KCNK18: variants seen among roughly 807,000 people sequenced by gnomAD.
KCNK18 encodes the protein potassium two pore domain channel subfamily K member 18.
In KCNK18, 8 loss-of-function variants were observed where a neutral mutation model predicts 11.8. That is an observed-to-expected ratio of 0.68 (90% CI 0.40 to 1.22). The LOEUF is 1.22. KCNK18 is among the 50% of genes most tolerant of loss of function. The pLI, the probability that KCNK18 is intolerant of heterozygous loss-of-function variation, is 0.01. For synonymous variants in KCNK18, 208 were observed against 185.8 expected (o/e 1.12, Z -0.97); for missense variants, 442 against 465.4 (o/e 0.95, Z 0.46).
intron 2 of KCNK18, among the ~76,000 whole-genome samples, chr10:117,204,270 C>CAAAA (rs61016831): frequency 1.7e-5 from 2 of 116,534 alleles, no homozygotes; most frequent in Admixed American, 9.1e-5. Flanking sequence ...GGCAGAGTCT[C>CAAAA]AAAAAAAAAA....
intron 2 of KCNK18, among the ~76,000 whole-genome samples, chr10:117,206,291 C>A (rs778170364): frequency 4.6e-5 from 7 of 152,134 alleles, no homozygotes; most frequent in African/African-American, 7.2e-5. Context: ...TGGCTGCCAG[C>A]ATCCCCTGGC....
chr10:117,207,192 C>A (rs537867528), intron 2 of KCNK18, among the ~76,000 whole-genome samples: 1 of 152,226 alleles, frequency 6.6e-6, no homozygotes, highest in East Asian at 1.9e-4. Flanking sequence ...TCACACCTGG[C>A]CAATTTTTGT....
In KCNK18 at chr10:117,209,424, G is replaced by A. The variant is rs1589968395; in HGVS notation, c.353-73G>A. 22 of 1,200,580 alleles carry A rather than the reference G, an allele frequency of 1.8e-5. No individual in the cohort carries two copies. The East Asian group carries it at 4.7e-4, about 25-fold the overall frequency. The allele number at this position is 1,200,580 out of a possible 1,614,324, so 74.4% of individuals were successfully genotyped here. A position where few individuals can be genotyped will look rare whatever the true frequency, so the allele number is the denominator to read the frequency against. ...TGCCAAGGAGGGGAGATGGCAGAAGGTCTCTTTAAAGCTTTTGGGGGGAAA... is the reference window on the plus strand; with the variant it reads ...TGCCAAGGAGGGGAGATGGCAGAAGATCTCTTTAAAGCTTTTGGGGGGAAA... On this transcript the variant is annotated intron_variant, in intron 2 of 2. Transcript: ENST00000334549.
At chr10:117,202,951 A>T (rs1855032813) in intron 2 of KCNK18, among the ~76,000 whole-genome samples, 1 of 126,294 alleles carries the variant, frequency 7.9e-6, no homozygotes, top group African/African-American at 3.1e-5. Flanking sequence ...ATCTTGGCTC[A>T]CTGCAACCTC....
rs192050665 is a variant in KCNK18, at chr10:117,201,526, C to T, written c.352+239C>T. ...TTTATGCTGATTAGCTCATCTAATC[C>T]TCACCAAGAGGTGGGTGCTGTTATT... On this transcript the variant is annotated intron_variant, in intron 2 of 2. Transcript: ENST00000334549. Among the ~76,000 whole-genome samples, 259 of 152,310 alleles carry T rather than the reference C, an allele frequency of 1.7e-3. 1 individual carries two copies. Among genetic ancestry groups the T allele is most frequent in the African/African-American group, 5.9e-3 (246 of 41,558 alleles).
chr10:117,205,848 G>A (rs1471872025), intron 2 of KCNK18, among the ~76,000 whole-genome samples: 1 of 152,132 alleles, frequency 6.6e-6, no homozygotes, highest in Non-Finnish European at 1.5e-5. Flanking sequence ...TCAGGGGTTC[G>A]AGGCCAGCCT....
chr10:117,203,002 A>G (rs1406591611), intron 2 of KCNK18, among the ~76,000 whole-genome samples: 1 of 148,148 alleles, frequency 6.8e-6, no homozygotes, highest in Non-Finnish European at 1.5e-5. Context: ...TCAGTCCCCA[A>G]GTAGCTGGGA....
intron 2 of KCNK18, among the ~76,000 whole-genome samples, chr10:117,206,169 G>T (rs969454173): frequency 1.3e-5 from 2 of 152,242 alleles, no homozygotes; most frequent in African/African-American, 4.8e-5. Context: ...CTGGAGGCCA[G>T]AAATTCGAAA....
chr10:117,200,576 G>A (rs962930356), intron 1 of KCNK18, among the ~76,000 whole-genome samples: 2 of 152,182 alleles, frequency 1.3e-5, no homozygotes, highest in African/African-American at 4.8e-5. Context: ...GGGAGGCTGA[G>A]GCAGGTGGAT....
chr10:117,198,274 T>C (rs1854973353), intron 1 of KCNK18, among the ~76,000 whole-genome samples: 1 of 151,928 alleles, frequency 6.6e-6, no homozygotes, highest in African/African-American at 2.4e-5. Flanking sequence ...GGAGGTGTTG[T>C]GAGAAGACCT....
rs1212556204 is a variant in KCNK18 at position 117,197,671 on chromosome 10, C to T, written c.183C>T (p.Phe61=). Residue 61 remains phenylalanine, a synonymous_variant, in exon 1 of 3, where the codon TTC becomes TTT. Transcript: ENST00000334549. ...VAADDGEFEK[F]LEELCRILNC... ...CAGATGATGGAGAGTTTGAGAAGTT[C>T]TTGGAGGAGCTCTGCAGAATCTTGA... is the stretch of plus-strand genomic sequence containing the variant. 9.3e-6 allele frequency: 15 copies of T among 1,614,034 alleles called. No individual in the cohort carries two copies. Among genetic ancestry groups the T allele is most frequent in the Non-Finnish European group, 1.3e-5 (15 of 1,180,042 alleles).
chr10:117,201,382 C>T (rs1855012768), intron 2 of KCNK18, 95 bp downstream of exon 2: 2 of 1,258,450 alleles, frequency 1.6e-6, no homozygotes, highest in Non-Finnish European at 1.1e-6. Flanking sequence ...GGAGATGGCC[C>T]TCCTCTCCCT....
Position 117,209,888 on chromosome 10 carries a change from G to A in KCNK18, c.744G>A (p.Glu248=). The A allele has an allele frequency of 1.2e-6, 2 of 1,614,224 alleles. No homozygotes were observed. Among genetic ancestry groups the A allele is most frequent in the Non-Finnish European group, 8.5e-7 (1 of 1,180,042 alleles). ...NTLQLPPQAM[E]RSNSCPELVL... The stretch of plus-strand genomic sequence containing the variant: ...TGCAACTGCCCCCACAAGCCATGGA[G>A]AGGAGTAACTCGTGTCCCGAACTGG... Residue 248 remains glutamate, a synonymous_variant, in exon 3 of 3, where the codon GAG becomes GAA. Transcript: ENST00000334549.
At chr10:117,206,902 G>A (rs1275510616) in intron 2 of KCNK18, among the ~76,000 whole-genome samples, 1 of 152,148 alleles carries the variant, frequency 6.6e-6, no homozygotes, top group African/African-American at 2.4e-5. Context: ...TGTTGAACCC[G>A]CCATAGGGTC....
At chr10:117,206,434 A>G (rs1405841522) in intron 2 of KCNK18, among the ~76,000 whole-genome samples, 1 of 152,162 alleles carries the variant, frequency 6.6e-6, no homozygotes, top group Non-Finnish European at 1.5e-5. Flanking sequence ...ACAATCCAGG[A>G]TAACTTCCTC....
intron 2 of KCNK18, among the ~76,000 whole-genome samples, chr10:117,209,043 G>T (rs541038795): frequency 1.3e-5 from 2 of 152,142 alleles, no homozygotes; most frequent in Admixed American, 6.5e-5. Flanking sequence ...GCCCAGCCAA[G>T]GGTGGCTTCT....
chr10:117,201,339 T>C, intron 2 of KCNK18, 52 bp downstream of exon 2: 1 of 1,602,518 alleles, frequency 6.2e-7, no homozygotes, highest in African/African-American at 1.3e-5. Flanking sequence ...AGGGTGGGTT[T>C]CTGGGTGGCA....
rs1458288439 is a variant in KCNK18, at chr10:117,210,224, C to G, written c.1080C>G (p.Asn360Lys). The change falls in exon 3 of 3, where the codon AAC (asparagine) becomes AAG (lysine). Residue 360 changes from asparagine to lysine, a missense_variant. Coordinates refer to ENST00000334549, the MANE Select transcript of KCNK18 (RefSeq NM_181840.1). ...IVFIAFKLVQ[N>K]RLIDIYKNVM... ...TCATTGCTTTCAAGTTGGTGCAAAACAGGCTGATTGACATATACAAAAATG... is the reference window on the plus strand; with the variant it reads ...TCATTGCTTTCAAGTTGGTGCAAAAGAGGCTGATTGACATATACAAAAATG... The G allele has an allele frequency of 1.9e-6, 3 of 1,614,032 alleles. No homozygotes were observed. Among genetic ancestry groups the G allele is most frequent in the Non-Finnish European group, 2.5e-6 (3 of 1,180,000 alleles).
Position 117,209,739 on chromosome 10 carries a change from G to A in KCNK18, c.595G>A (p.Val199Ile). The A allele has an allele frequency of 6.2e-7, 1 of 1,614,094 alleles. No homozygotes were observed. Among genetic ancestry groups the A allele is most frequent in the African/African-American group, 1.3e-5 (1 of 75,010 alleles). The change falls in exon 3 of 3, where the codon GTC becomes ATC. Residue 199 changes from valine to isoleucine, a missense_variant. Transcript: ENST00000334549. ...GGACCCCAAGCCCGCAGATGAAGCT[G>A]TCCCTCAGATCATCATCAGTGCTGA... ...KPDPKPADEAVPQIIISAEEL... is the reference protein window; with the variant it reads ...KPDPKPADEAIPQIIISAEEL...
Sources: gnomAD v4.1 joint callset for allele counts (sites outside exome capture counted in the v4.1 genomes callset) on GRCh38, gnomAD v4.1.1 for gene constraint, MANE v1.5 for transcripts, NCBI Gene and HGNC (gene_info 2026-07-23, HGNC 2026-07-21) for gene names.